Variants in USH2A observed in about 807,000 individuals in gnomAD.
USH2A encodes Usher syndrome 2A (autosomal recessive, mild).
A neutral mutation model predicts 538.9 loss-of-function variants in USH2A; 443 were observed. That is an observed-to-expected ratio of 0.82 (90% CI 0.76 to 0.89). The LOEUF (loss-of-function observed/expected upper bound fraction) is 0.89, where lower values mean the gene tolerates loss of function less well. USH2A is among the 40% of genes least tolerant of loss of function. USH2A has a pLI of 0.00. For synonymous variants in USH2A, 2,413 were observed against 2,273.5 expected (o/e 1.06, Z -1.75); for missense variants, 6,633 against 6,324.8 (o/e 1.05, Z -1.65).
Position 215,700,492 on chromosome 1 carries a change from ATTGGTCTAT to A in USH2A, c.12067-20125_12067-20117del, listed in dbSNP as rs372888297. On this transcript the variant is annotated intron_variant, in intron 61 of 71. Coordinates refer to ENST00000307340, the MANE Select transcript of USH2A (RefSeq NM_206933.4). ...TACTGCCTCAATTTCAGAACTTGTT[ATTGGTCTAT>A]TCAGAGATTCAACTTCTTCCTGGTT... Among the ~76,000 whole-genome samples, 28 of 152,180 alleles carry A rather than the reference ATTGGTCTAT, an allele frequency of 1.8e-4. No homozygotes were observed. In the East Asian group the frequency reaches 4.4e-3, roughly 24 times the overall value.
intron 21 of USH2A, among the ~76,000 whole-genome samples, chr1:216,159,595 G>A (rs2034013818): frequency 6.6e-6 from 1 of 150,748 alleles, no homozygotes; most frequent in African/African-American, 2.4e-5. Flanking sequence ...ATCTACTTTT[G>A]TGATTATTAT....
At chr1:215,792,286 C>T (rs2102771856) in intron 50 of USH2A, among the ~76,000 whole-genome samples, 1 of 152,192 alleles carries the variant, frequency 6.6e-6, no homozygotes. Context: ...AAAAAGATGC[C>T]TTCTTTCACA....
intron 2 of USH2A, among the ~76,000 whole-genome samples, chr1:216,420,364 C>T (rs2039656201): frequency 6.6e-6 from 1 of 151,976 alleles, no homozygotes; most frequent in Admixed American, 6.6e-5. Context: ...GAGAGGAAGG[C>T]AGGTAGCAAA....
chr1:215,775,915 AATG>A (rs1394593673), intron 55 of USH2A, among the ~76,000 whole-genome samples: 2 of 152,236 alleles, frequency 1.3e-5, no homozygotes, highest in Non-Finnish European at 2.9e-5. Context: ...AATGAAATGC[AATG>A]ATGAGTAATT....
In USH2A at chr1:216,009,201, C is replaced by A. The variant is rs373591575; in HGVS notation, c.6326-8639G>T. Among the ~76,000 whole-genome samples the A allele has an allele frequency of 8.0e-4, 122 of 152,140 alleles. 1 individual carries two copies. In the East Asian group the frequency reaches 0.018, roughly 23 times the overall value. ...TTTCTGGAGGGTAAGAACCCCTGAA[C>A]CCCTTCCCTCCGTGTCTCTACTCTC... On this transcript the variant is annotated intron_variant, in intron 32 of 71. Transcript: ENST00000307340.
rs1230923403 is a variant in USH2A at position 216,190,312 on chromosome 1, G to A, written c.4307C>T (p.Pro1436Leu). 2 of 1,612,304 alleles carry A rather than the reference G, an allele frequency of 1.2e-6. No individual in the cohort carries two copies. Among genetic ancestry groups the A allele is most frequent in the East Asian group, 2.2e-5 (1 of 44,772 alleles). The change falls in exon 20 of 72, where the codon CCT (proline) becomes CTT (leucine). Residue 1436 changes from proline (P) to leucine (L), a missense_variant. Transcript: ENST00000307340. The part of the protein sequence containing the change: ...ELSYTVEGLK[P>L]YRIYEFTITL... ...AATAGTAAACTCATATATCCTATAA[G>A]GTTTCAGTCCTTCTACAGTGTAAGA...
At chr1:215,743,073 G>T in intron 59 of USH2A, 104 bp downstream of exon 59, 1 of 1,401,106 alleles carries the variant, frequency 7.1e-7, no homozygotes, top group African/African-American at 1.4e-5. Flanking sequence ...GAAGTGAAAC[G>T]TTAGTCTTTA....
At chr1:216,381,891 A>G (rs761737783) in intron 3 of USH2A, among the ~76,000 whole-genome samples, 4 of 152,206 alleles carry the variant, frequency 2.6e-5, no homozygotes, top group Non-Finnish European at 5.9e-5. Flanking sequence ...GGCCCTGTGC[A>G]TAGTCGGATT....
intron 21 of USH2A, among the ~76,000 whole-genome samples, chr1:216,116,846 C>T (rs2033020930): frequency 6.6e-6 from 1 of 151,838 alleles, no homozygotes; most frequent in African/African-American, 2.4e-5. Flanking sequence ...AAAAAGCTAA[C>T]ACAGAAAACA....
intron 3 of USH2A, among the ~76,000 whole-genome samples, chr1:216,417,213 G>T (rs906475599): frequency 6.7e-6 from 1 of 148,362 alleles, no homozygotes; most frequent in African/African-American, 2.5e-5. Context: ...CCAAAACAAT[G>T]AACAATTATC....
chr1:216,237,948 C>A (rs1040900062), intron 13 of USH2A, among the ~76,000 whole-genome samples: 1 of 152,082 alleles, frequency 6.6e-6, no homozygotes, highest in Non-Finnish European at 1.5e-5. Flanking sequence ...ACATGTTAAC[C>A]TAGAAAGTTG....
chr1:215,661,326 G>C (rs909526722), intron 64 of USH2A, among the ~76,000 whole-genome samples: 3 of 152,154 alleles, frequency 2.0e-5, no homozygotes, highest in Non-Finnish European at 4.4e-5. Context: ...AGGGAAGAGA[G>C]AGTTCAGGTT....
chr1:216,198,938 G>C (rs996152346), intron 17 of USH2A, among the ~76,000 whole-genome samples: 2 of 152,070 alleles, frequency 1.3e-5, no homozygotes, highest in Non-Finnish European at 2.9e-5. Flanking sequence ...TGTTAAGAAT[G>C]GCCAGTTCTT....
intron 13 of USH2A, among the ~76,000 whole-genome samples, chr1:216,244,237 T>A (rs906995485): frequency 3.9e-5 from 6 of 152,238 alleles, no homozygotes; most frequent in African/African-American, 1.4e-4. Flanking sequence ...CGGCTCTGCA[T>A]GTGACATGTG....
At position 216,315,859 on chromosome 1, in the gene USH2A, T is replaced by C. The variant is rs558036288; in HGVS notation, c.1644+6024A>G. On this transcript the variant is annotated intron_variant, in intron 9 of 71. Transcript: ENST00000307340. ...AATGATTCATGCAAGTTCAATACCA[T>C]GTATTTCTAATTTCTACTTTGAAAT... 1.9e-4 allele frequency among the ~76,000 whole-genome samples: 29 copies of C among 152,298 alleles called. No individual in the cohort carries two copies. The East Asian group carries it at 2.9e-3, about 15-fold the overall frequency.
At chr1:216,413,979 A>G (rs2039535248) in intron 3 of USH2A, among the ~76,000 whole-genome samples, 1 of 152,130 alleles carries the variant, frequency 6.6e-6, no homozygotes, top group Non-Finnish European at 1.5e-5. Context: ...GCCACTAAAC[A>G]CATATACTTA....
chr1:215,743,186 A>C lies in USH2A; in HGVS notation c.11539T>G (p.Cys3847Gly), dbSNP rs1404232037. Residue 3847 changes from cysteine (C) to glycine (G), a missense_variant, in exon 59 of 72, where the codon TGT becomes GGT. By Grantham distance (159) the Cys-to-Gly change is radical (BLOSUM62 -3). Transcript: ENST00000307340. ...TCTGAAAGACTTTCACCATTTTGAC[A>C]TGCTTGTATCCTTATCTCATACTGT... ...FTQYEIRIQA[C>G]QNGSCGVSSR... The C allele has an allele frequency of 1.2e-6, 2 of 1,610,034 alleles. No individual in the cohort carries two copies. The highest frequency in any genetic ancestry group is 1.7e-6 in the Non-Finnish European group (2 of 1,177,922).
intron 30 of USH2A, among the ~76,000 whole-genome samples, chr1:216,066,898 T>A (rs1292340977): frequency 6.6e-6 from 1 of 152,234 alleles, no homozygotes; most frequent in Non-Finnish European, 1.5e-5. Flanking sequence ...TATATCAATG[T>A]CTGACTTCAA....
At chr1:215,689,686 T>C (rs901546089) in intron 61 of USH2A, among the ~76,000 whole-genome samples, 1 of 152,208 alleles carries the variant, frequency 6.6e-6, no homozygotes, top group African/African-American at 2.4e-5. Flanking sequence ...GGAGGGGAAC[T>C]AGGTGGTCTC....
Sources: allele counts gnomAD v4.1 joint callset (sites outside exome capture counted in the v4.1 genomes callset), GRCh38; gene constraint gnomAD v4.1.1; transcripts MANE v1.5; gene names NCBI Gene and HGNC (gene_info 2026-07-23, HGNC 2026-07-21).